MEF2C: variants seen among roughly 807,000 people sequenced by gnomAD.
MEF2C encodes myocyte-specific enhancer factor 2C.
A neutral mutation model predicts 50.5 loss-of-function variants in MEF2C; 6 were observed. That is an observed-to-expected ratio of 0.12 (90% confidence interval 0.07 to 0.23). The LOEUF (loss-of-function observed/expected upper bound fraction) is 0.23, where lower values mean the gene tolerates loss of function less well. Ranked by LOEUF, MEF2C falls within the 10% of genes least tolerant of loss-of-function variation. The pLI, the probability that MEF2C is intolerant of heterozygous loss-of-function variation, is 1.00. For synonymous variants in MEF2C, 183 were observed against 228.0 expected, an observed-to-expected ratio of 0.80 and a Z score of 1.78; for missense variants, 276 against 605.0, an observed-to-expected ratio of 0.46 and a Z score of 5.70.
intron 8 of MEF2C, 76 bp downstream of exon 8, chr5:88,730,135 A>G: frequency 6.7e-7 from 1 of 1,483,692 alleles, no homozygotes; most frequent in Non-Finnish European, 9.2e-7. Flanking sequence ...ATATCTTCCA[A>G]TTTTATCAAA....
chr5:88,831,254 G>A (rs1456414206), intron 1 of MEF2C, among the ~76,000 whole-genome samples: 2 of 152,056 alleles, frequency 1.3e-5, no homozygotes, highest in Non-Finnish European at 2.9e-5. Flanking sequence ...ACACATTTTA[G>A]TCTGTCGAAA....
intron 2 of MEF2C, chr5:88,817,931 AT>A (rs1806276402): frequency 6.6e-6 from 1 of 151,954 alleles, no homozygotes; most frequent in South Asian, 2.1e-4. Flanking sequence ...TTCTAAATAT[AT>A]TGTTTGTAGA....
intron 3 of MEF2C, among the ~76,000 whole-genome samples, chr5:88,787,573 T>C (rs1472559675): frequency 6.6e-6 from 1 of 152,216 alleles, no homozygotes; most frequent in Non-Finnish European, 1.5e-5. Context: ...TGTGGAGCTT[T>C]TAAAGTCCTA....
intron 3 of MEF2C, among the ~76,000 whole-genome samples, chr5:88,801,554 G>A (rs1037170208): frequency 6.6e-6 from 1 of 151,028 alleles, no homozygotes; most frequent in African/African-American, 2.4e-5. Context: ...GTGCAGTGGC[G>A]CGATCTCGGC....
Position 88,761,087 on chromosome 5 carries a change from G to A in MEF2C, c.402+98C>T, listed in dbSNP as rs780541747. ...TGAGTGCATAAGAGGAGTCGGGATC[G>A]GGGCTTTCACAGCCTTTGTTTTCTT... On this transcript the variant is annotated intron_variant, in intron 4 of 10. Coordinates refer to ENST00000504921, the MANE Select transcript of MEF2C (RefSeq NM_002397.5). The A allele has an allele frequency of 1.1e-5, 18 of 1,613,814 alleles. No individual in the cohort carries two copies. In the Admixed American group the frequency reaches 2.0e-4, roughly 18 times the overall value.
chr5:88,864,740 G>A (rs1826710122), intron 1 of MEF2C, among the ~76,000 whole-genome samples: 1 of 151,524 alleles, frequency 6.6e-6, no homozygotes, highest in Non-Finnish European at 1.5e-5. Context: ...ACAGGCATAT[G>A]CCACACCATC....
At chr5:88,797,009 T>C (rs1796285320) in intron 3 of MEF2C, among the ~76,000 whole-genome samples, 1 of 152,242 alleles carries the variant, frequency 6.6e-6, no homozygotes, top group Admixed American at 6.5e-5. Context: ...TGATTTGCAT[T>C]CTTTTGCATT....
chr5:88,901,080 G>A (rs983809421), intron 1 of MEF2C, among the ~76,000 whole-genome samples: 2 of 151,936 alleles, frequency 1.3e-5, no homozygotes, highest in Non-Finnish European at 2.9e-5. Flanking sequence ...CTATAGATAT[G>A]GACAGCAAGG....
chr5:88,737,284 T>C (rs16903320), intron 6 of MEF2C: 78,764 of 985,214 alleles, frequency 0.08, 3,719 homozygotes, highest in East Asian at 0.28. Flanking sequence ...ACTGCTTATC[T>C]ACCATATATA....
chr5:88,751,423 A>C lies in MEF2C; in HGVS notation c.589+434T>G, dbSNP rs149857841. 541 of 985,290 alleles carry C rather than the reference A, an allele frequency of 5.5e-4. 1 individual carries two copies. The African/African-American group carries it at 8.8e-3, about 16-fold the overall frequency. The allele number at this position is 985,290 out of a possible 1,614,324, so 61.0% of individuals were successfully genotyped here. ...GATAAGTTACTGTATAAATAAAAAAAAATTGACCCAAATAATAAATAACTA... is the reference window on the plus strand; with the variant it reads ...GATAAGTTACTGTATAAATAAAAAACAATTGACCCAAATAATAAATAACTA... On this transcript the variant is annotated intron_variant, in intron 5 of 10. Coordinates refer to ENST00000504921, the MANE Select transcript of MEF2C (RefSeq NM_002397.5).
Position 88,718,074 on chromosome 5 carries a change from C to T in MEF2C, c.*4530G>A, listed in dbSNP as rs1755170418. On this transcript the variant is annotated 3_prime_UTR_variant, in exon 11 of 11. Transcript: ENST00000504921. ...AAGAACCGTCATCCAATTCACACCC[C>T]TCCCACACAGACACACATATCCATC... 6.6e-6 allele frequency: 1 copy of T among 152,180 alleles called. No individual in the cohort carries two copies. The highest frequency in any genetic ancestry group is 2.4e-5 in the African/African-American group (1 of 41,452). 9.4% of individuals were successfully genotyped at this position (152,180 alleles called of 1,614,324 possible).
intron 1 of MEF2C, among the ~76,000 whole-genome samples, chr5:88,849,505 TA>T: frequency 6.6e-6 from 1 of 152,350 alleles, no homozygotes; most frequent in African/African-American, 2.4e-5. Flanking sequence ...AAATCTACAA[TA>T]AAAGTTTGAA....
chr5:88,819,021 A>T (rs892913894), intron 2 of MEF2C, among the ~76,000 whole-genome samples: 2 of 151,958 alleles, frequency 1.3e-5, no homozygotes, highest in African/African-American at 4.8e-5. Context: ...CTAATGAGAA[A>T]GGTACTAACT....
intron 6 of MEF2C, chr5:88,739,094 C>T (rs944669298): frequency 7.5e-5 from 74 of 985,314 alleles, no homozygotes; most frequent in Non-Finnish European, 8.8e-5. Flanking sequence ...CAGCTTCTAT[C>T]AGAAACACCC....
At chr5:88,892,678 G>C (rs569349067) in intron 1 of MEF2C, among the ~76,000 whole-genome samples, 2 of 151,842 alleles carry the variant, frequency 1.3e-5, no homozygotes, top group Non-Finnish European at 2.9e-5. Flanking sequence ...TTTCTTTTTT[G>C]GGGGGATGCT....
At chr5:88,798,873 T>G (rs1398934595) in intron 3 of MEF2C, among the ~76,000 whole-genome samples, 2 of 152,202 alleles carry the variant, frequency 1.3e-5, no homozygotes, top group East Asian at 3.9e-4. Flanking sequence ...TTTCTGTTTG[T>G]TAGTTTTCCT....
chr5:88,720,147 G>A lies in MEF2C; in HGVS notation c.*2457C>T, dbSNP rs1439844591. 1 of 152,064 alleles carries A rather than the reference G, an allele frequency of 6.6e-6. No homozygotes were observed. The highest frequency in any genetic ancestry group is 2.4e-5 in the African/African-American group (1 of 41,420). 9.4% of individuals were successfully genotyped at this position (152,064 alleles called of 1,614,324 possible). On this transcript the variant is annotated 3_prime_UTR_variant, in exon 11 of 11. Transcript: ENST00000504921. ...ATATTTTATACACATCAAGTTAGAA[G>A]GATGGGTTGTAAGGATGGGATCAAG...
At chr5:88,756,348 C>A (rs757521674) in intron 4 of MEF2C, among the ~76,000 whole-genome samples, 1 of 152,126 alleles carries the variant, frequency 6.6e-6, no homozygotes, top group Non-Finnish European at 1.5e-5. Flanking sequence ...TCTATTATTT[C>A]CATCTTTATG....
At chr5:88,760,065 C>G (rs1426184499) in intron 4 of MEF2C, among the ~76,000 whole-genome samples, 1 of 152,212 alleles carries the variant, frequency 6.6e-6, no homozygotes, top group Non-Finnish European at 1.5e-5. Flanking sequence ...TCAAAAGGAA[C>G]TGATTGCCTA....
Sources: gnomAD v4.1 joint callset for allele counts (sites outside exome capture counted in the v4.1 genomes callset) on GRCh38, gnomAD v4.1.1 for gene constraint, MANE v1.5 for transcripts, NCBI Gene and HGNC (gene_info 2026-07-23, HGNC 2026-07-21) for gene names.